CNTN4: variants seen among roughly 807,000 people sequenced by gnomAD.
CNTN4 encodes contactin 4.
Under a neutral mutation model 122.5 loss-of-function variants are expected in CNTN4, and 77 were observed. That is an observed-to-expected ratio of 0.63 (90% confidence interval 0.52 to 0.76). The LOEUF is 0.76. Ranked by LOEUF, CNTN4 falls within the 30% of genes least tolerant of loss-of-function variation. The pLI is 0.00. For missense variants in CNTN4, 1,256 were observed against 1,259.1 expected (o/e 1.00, Z 0.04); for synonymous variants, 512 against 447.0 (o/e 1.15, Z -1.83).
chr3:2,589,853 C>A (rs2080382009), intron 4 of CNTN4, among the ~76,000 whole-genome samples: 1 of 152,132 alleles, frequency 6.6e-6, no homozygotes, highest in Non-Finnish European at 1.5e-5. Context: ...CGTGACATGG[C>A]CTGTGGCTTC....
intron 3 of CNTN4, among the ~76,000 whole-genome samples, chr3:2,559,667 C>T (rs1032981996): frequency 6.6e-6 from 1 of 152,086 alleles, no homozygotes; most frequent in Non-Finnish European, 1.5e-5. Context: ...AGGTGAGGCT[C>T]TCATAAATAG....
intron 2 of CNTN4, among the ~76,000 whole-genome samples, chr3:2,176,451 A>G (rs1013067984): frequency 6.6e-6 from 1 of 152,122 alleles, no homozygotes; most frequent in Non-Finnish European, 1.5e-5. Flanking sequence ...GTATATTAGG[A>G]AAATATAACC....
At chr3:2,598,269 C>T (rs2080866635) in intron 4 of CNTN4, among the ~76,000 whole-genome samples, 1 of 152,148 alleles carries the variant, frequency 6.6e-6, no homozygotes, top group Admixed American at 6.5e-5. Context: ...GTTGGGAGGT[C>T]TGAGTAGTTC....
At chr3:2,663,609 G>A (rs2084010164) in intron 4 of CNTN4, among the ~76,000 whole-genome samples, 2 of 152,138 alleles carry the variant, frequency 1.3e-5, no homozygotes, top group African/African-American at 2.4e-5. Flanking sequence ...GAAAATCGAG[G>A]CATGCAGAGA....
chr3:2,529,552 T>C (rs1466272407), intron 3 of CNTN4, among the ~76,000 whole-genome samples: 1 of 152,170 alleles, frequency 6.6e-6, no homozygotes, highest in Non-Finnish European at 1.5e-5. Context: ...TGATTTGTAA[T>C]ACATGTATTA....
At chr3:2,410,162 C>T (rs1430025610) in intron 3 of CNTN4, among the ~76,000 whole-genome samples, 4 of 152,168 alleles carry the variant, frequency 2.6e-5, no homozygotes, top group Admixed American at 2.6e-4. Flanking sequence ...TCATATTCTT[C>T]TTGATAAAGT....
intron 3 of CNTN4, among the ~76,000 whole-genome samples, chr3:2,501,699 A>G (rs2076598671): frequency 6.6e-6 from 1 of 152,136 alleles, no homozygotes; most frequent in African/African-American, 2.4e-5. Context: ...TATTGGGCCC[A>G]CCCATATAAT....
At position 2,534,978 on chromosome 3, in the gene CNTN4, A is replaced by G. The variant is rs150059843; in HGVS notation, c.-88-36438A>G. ...TATCGCCTGTTCTATCTTTGCATGCAGTGTAAAAGGTCAAAGCCTTGCTTC... is the reference window on the plus strand; with the variant it reads ...TATCGCCTGTTCTATCTTTGCATGCGGTGTAAAAGGTCAAAGCCTTGCTTC... On this transcript the variant is annotated intron_variant, in intron 3 of 24. Coordinates refer to ENST00000418658, the MANE Select transcript of CNTN4 (RefSeq NM_175607.3). Among the ~76,000 whole-genome samples, 1,234 of 152,030 alleles carry G rather than the reference A, an allele frequency of 8.1e-3. 8 individuals carry two copies. Among genetic ancestry groups the G allele is most frequent in the Non-Finnish European group, 0.014 (958 of 67,932 alleles).
intron 3 of CNTN4, among the ~76,000 whole-genome samples, chr3:2,513,365 CTTGTT>C (rs2076945257): frequency 1.3e-5 from 2 of 151,986 alleles, no homozygotes; most frequent in Non-Finnish European, 2.9e-5. Flanking sequence ...AAGATGTGAT[CTTGTT>C]TTAAGAGGGA....
intron 4 of CNTN4, among the ~76,000 whole-genome samples, chr3:2,605,049 C>T (rs928080547): frequency 3.3e-5 from 5 of 152,146 alleles, no homozygotes; most frequent in Non-Finnish European, 5.9e-5. Flanking sequence ...CTCTGTCACC[C>T]AGGCTAGAGT....
intron 13 of CNTN4, among the ~76,000 whole-genome samples, chr3:2,955,357 T>C (rs1186895731): frequency 1.3e-5 from 2 of 152,136 alleles, no homozygotes; most frequent in Admixed American, 6.6e-5. Flanking sequence ...CACGTGGTGT[T>C]TATTAGGCCT....
At chr3:2,983,260 A>T (rs1052472709) in intron 13 of CNTN4, among the ~76,000 whole-genome samples, 1 of 143,776 alleles carries the variant, frequency 7.0e-6, no homozygotes, top group Non-Finnish European at 1.5e-5. Flanking sequence ...AAAAAAGCAC[A>T]AAGCCTAATA....
At chr3:2,123,778 G>A (rs2033950157) in intron 2 of CNTN4, among the ~76,000 whole-genome samples, 1 of 152,166 alleles carries the variant, frequency 6.6e-6, no homozygotes, top group African/African-American at 2.4e-5. Flanking sequence ...CTCTTGTCCT[G>A]CACCACTTAA....
At chr3:2,554,077 G>C (rs1197389608) in intron 3 of CNTN4, among the ~76,000 whole-genome samples, 4 of 152,170 alleles carry the variant, frequency 2.6e-5, no homozygotes, top group Middle Eastern at 3.4e-3. Flanking sequence ...ACCTTGTTCA[G>C]CTTTACTCCT....
chr3:2,340,052 T>C (rs943872481), intron 3 of CNTN4, among the ~76,000 whole-genome samples: 1 of 152,230 alleles, frequency 6.6e-6, no homozygotes, highest in African/African-American at 2.4e-5. Flanking sequence ...CTTAGGAAGA[T>C]AGCAGTCATT....
chr3:2,166,490 A>T (rs1216790308), intron 2 of CNTN4, among the ~76,000 whole-genome samples: 1 of 152,076 alleles, frequency 6.6e-6, no homozygotes, highest in African/African-American at 2.4e-5. Flanking sequence ...CTGACAGCCA[A>T]ATTTGGTAAC....
At chr3:2,633,450 A>G (rs1448795180) in intron 4 of CNTN4, among the ~76,000 whole-genome samples, 1 of 152,212 alleles carries the variant, frequency 6.6e-6, no homozygotes, top group African/African-American at 2.4e-5. Context: ...CTGATTGTAA[A>G]TTGTGAGGAT....
At chr3:2,181,161 A>T (rs1262736542) in intron 2 of CNTN4, among the ~76,000 whole-genome samples, 1 of 152,124 alleles carries the variant, frequency 6.6e-6, no homozygotes, top group Non-Finnish European at 1.5e-5. Context: ...TTTAAAAGTG[A>T]TTGATGCATT....
chr3:2,573,492 A>G (rs1481281772), intron 4 of CNTN4, among the ~76,000 whole-genome samples: 1 of 152,126 alleles, frequency 6.6e-6, no homozygotes, highest in Non-Finnish European at 1.5e-5. Context: ...TAGAGTTTTA[A>G]CTTCTCATAA....
Sources: allele counts gnomAD v4.1 joint callset (sites outside exome capture counted in the v4.1 genomes callset), GRCh38; gene constraint gnomAD v4.1.1; transcripts MANE v1.5; gene names NCBI Gene and HGNC (gene_info 2026-07-23, HGNC 2026-07-21).